Variants in KATNIP observed in about 807,000 individuals in gnomAD.
KATNIP encodes katanin interacting protein.
Under a neutral mutation model 174.0 loss-of-function variants are expected in KATNIP, and 126 were observed. That is an observed-to-expected ratio of 0.72 (90% CI 0.63 to 0.84). KATNIP has a LOEUF of 0.84. KATNIP is among the 40% of genes least tolerant of loss of function. KATNIP has a pLI of 0.00. For synonymous variants in KATNIP, 810 were observed against 835.7 expected (o/e 0.97, Z 0.53); for missense variants, 1,958 against 2,109.7 (o/e 0.93, Z 1.41).
chr16:27,566,373 T>C (rs1208511347), intron 1 of KATNIP, among the ~76,000 whole-genome samples: 3 of 152,066 alleles, frequency 2.0e-5, no homozygotes, highest in South Asian at 2.1e-4. Flanking sequence ...ACCCAGTCTC[T>C]ACTAATTCAA....
chr16:27,608,399 C>CTTTTTTTTTTTT (rs11374534), intron 2 of KATNIP, among the ~76,000 whole-genome samples: 52 of 97,504 alleles, frequency 5.3e-4, no homozygotes, highest in Non-Finnish European at 6.9e-4. Flanking sequence ...ACTGGTGAAT[C>CTTTTTTTTTTTT]TTTTTTTTTT....
At chr16:27,770,817 T>G (rs886498361) in intron 21 of KATNIP, among the ~76,000 whole-genome samples, 3 of 152,228 alleles carry the variant, frequency 2.0e-5, no homozygotes, top group African/African-American at 7.2e-5. Flanking sequence ...GAACTGAGGC[T>G]CTGGCTGGTG....
chr16:27,744,571 G>A (rs191800208), intron 15 of KATNIP, among the ~76,000 whole-genome samples: 4 of 151,680 alleles, frequency 2.6e-5, no homozygotes, highest in East Asian at 1.9e-4. Flanking sequence ...GTGACAGAGC[G>A]AGACCCTGTC....
Position 27,677,877 on chromosome 16 carries a change from G to A in KATNIP, c.689G>A (p.Arg230His), listed in dbSNP as rs138712469. The A allele has an allele frequency of 6.2e-4, 1,002 of 1,614,142 alleles. 11 individuals carry two copies. In the African/African-American group the frequency reaches 0.011, roughly 18 times the overall value. Residue 230 changes from arginine (R) to histidine (H), a missense_variant, in exon 7 of 28, where the codon CGC (arginine) becomes CAC (histidine). Physicochemically the swap from Arg to His is conservative, Grantham distance 29. Coordinates refer to ENST00000261588, the MANE Select transcript of KATNIP (RefSeq NM_015202.5). Reference protein sequence around the residue: ...PALVGHPRHDRPPSSGDWTQK... With the variant: ...PALVGHPRHDHPPSSGDWTQK... ...CTGGTGGGCCATCCCAGACATGACC[G>A]CCCTCCTTCCAGTGGCGACTGGACT... is the stretch of plus-strand genomic sequence containing the variant.
chr16:27,627,225 A>G (rs2076361016), intron 3 of KATNIP, among the ~76,000 whole-genome samples: 1 of 152,226 alleles, frequency 6.6e-6, no homozygotes, highest in African/African-American at 2.4e-5. Flanking sequence ...CATACTATAA[A>G]CAAGTGTCCT....
chr16:27,565,768 A>C (rs2090063620), intron 1 of KATNIP, among the ~76,000 whole-genome samples: 1 of 151,334 alleles, frequency 6.6e-6, no homozygotes, highest in African/African-American at 2.4e-5. Flanking sequence ...GGGACAGCAG[A>C]GTGAGATGTC....
At chr16:27,743,899 C>G (rs1002899756) in intron 15 of KATNIP, among the ~76,000 whole-genome samples, 1 of 152,180 alleles carries the variant, frequency 6.6e-6, no homozygotes, top group Admixed American at 6.5e-5. Context: ...TCCCAGCAAA[C>G]AGTCGGTGCA....
intron 2 of KATNIP, among the ~76,000 whole-genome samples, chr16:27,575,526 G>A (rs1440902299): frequency 6.6e-6 from 1 of 152,156 alleles, no homozygotes; most frequent in Admixed American, 6.5e-5. Context: ...CAACACTTTT[G>A]ATTGTAAAGT....
At chr16:27,754,342 AC>A in intron 18 of KATNIP, 91 bp downstream of exon 18, 1 of 1,094,298 alleles carries the variant, frequency 9.1e-7, no homozygotes, top group East Asian at 2.5e-5. Context: ...GTTTCGCTGG[AC>A]AATCGGGTGG....
intron 23 of KATNIP, among the ~76,000 whole-genome samples, chr16:27,773,788 A>G (rs1173344543): frequency 6.6e-6 from 1 of 152,008 alleles, no homozygotes; most frequent in African/African-American, 2.4e-5. Flanking sequence ...ATCTGTTGCC[A>G]TTTCTCCCCA....
chr16:27,725,847 G>A (rs2080427492), intron 14 of KATNIP, among the ~76,000 whole-genome samples: 1 of 152,202 alleles, frequency 6.6e-6, no homozygotes, highest in African/African-American at 2.4e-5. Flanking sequence ...GGACAGCAGT[G>A]AGCATCCAGG....
chr16:27,605,846 C>T (rs1310758772), intron 2 of KATNIP, among the ~76,000 whole-genome samples: 1 of 152,034 alleles, frequency 6.6e-6, no homozygotes, highest in Non-Finnish European at 1.5e-5. Context: ...AAAGCAGGCT[C>T]AGGTCAGGTG....
rs775929263 is a variant in KATNIP at position 27,740,616 on chromosome 16, C to T, written c.2319C>T (p.Pro773=). The T allele has an allele frequency of 1.9e-6, 3 of 1,614,230 alleles. No homozygotes were observed. The highest frequency in any genetic ancestry group is 1.3e-5 in the African/African-American group (1 of 75,066). ...AGCAGGGAGGCAGGAAGCCAAAACC[C>T]CTCTGGCTTAGTCCCGAGAAGCCCC... The part of the protein sequence containing the change: ...DRKQGGRKPK[P]LWLSPEKPLA... Residue 773 remains proline, a synonymous_variant, in exon 15 of 28, where the codon CCC becomes CCT. Transcript: ENST00000261588.
Position 27,743,554 on chromosome 16 carries a change from C to T in KATNIP, c.2623+2634C>T, listed in dbSNP as rs555420458. 2.7e-4 allele frequency among the ~76,000 whole-genome samples: 41 copies of T among 152,228 alleles called. 1 individual carries two copies. In the South Asian group the frequency reaches 7.1e-3, roughly 26 times the overall value. On this transcript the variant is annotated intron_variant, in intron 15 of 27. Coordinates refer to ENST00000261588, the MANE Select transcript of KATNIP (RefSeq NM_015202.5). ...AGTTGAGGAGCTCTCTGAGGGCAGG[C>T]GCCTGGCTCATGGCAGGTCCTCCAC...
At chr16:27,720,837 T>C (rs1294718269) in intron 13 of KATNIP, among the ~76,000 whole-genome samples, 1 of 152,046 alleles carries the variant, frequency 6.6e-6, no homozygotes, top group East Asian at 1.9e-4. Context: ...GGAGAGTGAA[T>C]AGGTATTGTA....
At position 27,766,392 on chromosome 16, in the gene KATNIP, C is replaced by T. The variant is rs550047890; in HGVS notation, c.3893C>T (p.Thr1298Met). 2.5e-6 allele frequency: 4 copies of T among 1,614,160 alleles called. No individual in the cohort carries two copies. The highest frequency in any genetic ancestry group is 2.7e-5 in the African/African-American group (2 of 75,056). ...TCGCCGGGGCTGGACCATGTGGTCA[C>T]GATCCGCCTGGACAGGGCCGAAAGC... ...PFSPGLDHVV[T>M]IRLDRAESIA... is the part of the protein sequence containing the mutation. Residue 1298 changes from threonine to methionine, a missense_variant, in exon 20 of 28, where the codon ACG (threonine) becomes ATG (methionine). Thr to Met is a moderately conservative substitution (Grantham distance 81). Transcript: ENST00000261588.
chr16:27,627,626 C>T (rs188037949), intron 3 of KATNIP, among the ~76,000 whole-genome samples: 19 of 152,348 alleles, frequency 1.2e-4, no homozygotes, highest in Admixed American at 1.2e-3. Context: ...ACCGCTCGTA[C>T]TGCGAATAAT....
At position 27,669,577 on chromosome 16, in the gene KATNIP, G is replaced by A. The variant is rs559741049; in HGVS notation, c.541-8152G>A. Among the ~76,000 whole-genome samples, 6 of 152,342 alleles carry A rather than the reference G, an allele frequency of 3.9e-5. No homozygotes were observed. The East Asian group carries it at 1.2e-3, about 29-fold the overall frequency. The stretch of plus-strand genomic sequence containing the variant: ...ATGGTATCTCTTTGAAGTACAGGCA[G>A]ATTGGCTTTCAAAGCGACCAGCCCA... On this transcript the variant is annotated intron_variant, in intron 6 of 27. Transcript: ENST00000261588.
intron 15 of KATNIP, among the ~76,000 whole-genome samples, chr16:27,741,629 G>T (rs552550555): frequency 2.0e-5 from 3 of 151,492 alleles, no homozygotes; most frequent in African/African-American, 7.3e-5. Context: ...CAGGCCGGGC[G>T]CAATGGCTCA....
Sources: allele counts gnomAD v4.1 joint callset (sites outside exome capture counted in the v4.1 genomes callset), GRCh38; gene constraint gnomAD v4.1.1; transcripts MANE v1.5; gene names NCBI Gene and HGNC (gene_info 2026-07-23, HGNC 2026-07-21).